CASQ2: variants seen among roughly 807,000 people sequenced by gnomAD.
CASQ2 encodes the protein calsequestrin-2.
CASQ2 carries 49 observed loss-of-function variants against 46.5 expected under a neutral mutation model. The ratio of observed to expected loss-of-function variants is 1.05; its 90% CI spans 0.84 to 1.34. The LOEUF is 1.34. Ranked by LOEUF, CASQ2 falls within the 40% of genes most tolerant of loss-of-function variation. The pLI, the probability that CASQ2 is intolerant of heterozygous loss-of-function variation, is 0.00. For synonymous variants in CASQ2, 174 were observed against 168.5 expected, an observed-to-expected ratio of 1.03 and a Z score of -0.25; for missense variants, 486 against 481.3, an observed-to-expected ratio of 1.01 and a Z score of -0.09.
At chr1:115,743,082 A>T (rs973872995) in intron 2 of CASQ2, among the ~76,000 whole-genome samples, 2 of 151,930 alleles carry the variant, frequency 1.3e-5, no homozygotes, top group Admixed American at 1.3e-4. Flanking sequence ...CAGCCATTAA[A>T]CTGTTTTTGA....
chr1:115,730,794 C>T (rs1162804394), intron 5 of CASQ2, among the ~76,000 whole-genome samples: 1 of 152,154 alleles, frequency 6.6e-6, no homozygotes, highest in Non-Finnish European at 1.5e-5. Flanking sequence ...CGCATTAGTG[C>T]TTTCTTGTCC....
At chr1:115,712,629 C>T (rs952698230) in intron 8 of CASQ2, among the ~76,000 whole-genome samples, 2 of 152,084 alleles carry the variant, frequency 1.3e-5, no homozygotes, top group African/African-American at 4.8e-5. Flanking sequence ...ACATTCAACA[C>T]ATAGTAAGAA....
At position 115,736,506 on chromosome 1, in the gene CASQ2, G is replaced by A. The variant is rs187854860; in HGVS notation, c.532+1718C>T. On this transcript the variant is annotated intron_variant, in intron 4 of 10. Coordinates refer to ENST00000261448, the MANE Select transcript of CASQ2 (RefSeq NM_001232.4). ...ACTAAAATTAGCCAGGCGTGGTGGC[G>A]GGCACCTGTAATCCCAGCTACTCAG... 6.2e-4 allele frequency among the ~76,000 whole-genome samples: 93 copies of A among 148,922 alleles called. No homozygotes were observed. In the East Asian group the frequency reaches 7.2e-3, roughly 11 times the overall value.
intron 2 of CASQ2, among the ~76,000 whole-genome samples, chr1:115,742,583 G>C (rs1032068525): frequency 6.6e-6 from 1 of 152,122 alleles, no homozygotes; most frequent in East Asian, 1.9e-4. Context: ...CATATTCTTT[G>C]CTAGTCTATT....
chr1:115,731,082 C>T (rs12092322), intron 5 of CASQ2, among the ~76,000 whole-genome samples: 2,987 of 152,296 alleles, frequency 0.02, 111 homozygotes, highest in African/African-American at 0.068. Context: ...GTGCTCTCCC[C>T]TCTGTGTACC....
At position 115,701,538 on chromosome 1, in the gene CASQ2, T is replaced by C. The variant is rs759529874; in HGVS notation, c.1015-112A>G. On this transcript the variant is annotated intron_variant, in intron 10 of 10. Transcript: ENST00000261448. ...GTGCCCCCCGACTCTCTTACACTTATTAGGAACGTGCACATTGTTAAATGG... is the reference window on the plus strand; with the variant it reads ...GTGCCCCCCGACTCTCTTACACTTACTAGGAACGTGCACATTGTTAAATGG... 3.1e-5 allele frequency: 23 copies of C among 746,896 alleles called. No individual in the cohort carries two copies. The East Asian group carries it at 5.8e-4, about 19-fold the overall frequency. The allele number at this position is 746,896 out of a possible 1,614,324, so 46.3% of individuals were successfully genotyped here.
intron 8 of CASQ2, among the ~76,000 whole-genome samples, chr1:115,716,648 T>C (rs1570806349): frequency 6.6e-6 from 1 of 152,286 alleles, no homozygotes; most frequent in African/African-American, 2.4e-5. Flanking sequence ...GCAGAATGTT[T>C]GAGGTTCTTG....
At position 115,725,568 on chromosome 1, in the gene CASQ2, A is replaced by AG. The variant is rs747358070; in HGVS notation, c.738-16_738-15insC. On this transcript the variant is annotated splice_polypyrimidine_tract_variant and intron_variant, in intron 6 of 10. Transcript: ENST00000261448. ...GTAGAGTGGGTCTGGAAAAAAAAAAAAAAAAAAAAAAAGAAAGAGCTTCCT... is the reference window on the plus strand; with the variant it reads ...GTAGAGTGGGTCTGGAAAAAAAAAAAGAAAAAAAAAAAAGAAAGAGCTTCCT... 9 of 1,602,544 alleles carry AG rather than the reference A, an allele frequency of 5.6e-6. No homozygotes were observed. In the African/African-American group the frequency reaches 1.1e-4, roughly 19 times the overall value.
chr1:115,739,124 C>CTTTTCTTTTTTTTTTTTTTT (rs1553195217), intron 3 of CASQ2, among the ~76,000 whole-genome samples: 1 of 99,522 alleles, frequency 1.0e-5, no homozygotes, highest in Non-Finnish European at 2.2e-5. Context: ...TCTTTTCTTT[C>CTTTTCTTTTTTTTTTTTTTT]TTTTTGAGAT....
chr1:115,756,027 G>A (rs1007369457), intron 1 of CASQ2, among the ~76,000 whole-genome samples: 4 of 152,346 alleles, frequency 2.6e-5, no homozygotes, highest in Non-Finnish European at 5.9e-5. Flanking sequence ...AATCAGAGGT[G>A]TGTGGTCGGG....
In CASQ2 at chr1:115,702,979, TC is replaced by T. The variant is rs1253067438; in HGVS notation, c.955del (p.Glu319ArgfsTer16). On this transcript the variant is annotated frameshift_variant, in exon 10 of 11. Transcript: ENST00000261448. LOFTEE classifies it high-confidence loss of function. ...DDFPLLVAYW[E>X]KTFKIDLFRP... is the part of the protein sequence containing the mutation. ...GAATAGGTCAATCTTGAAAGTCTTCTCCCAGTAGGCAACGAGCTGCAGCAAC... is the reference window on the plus strand; with the variant it reads ...GAATAGGTCAATCTTGAAAGTCTTCTCCAGTAGGCAACGAGCTGCAGCAAC... 6.2e-7 allele frequency: 1 copy of T among 1,613,102 alleles called. No homozygotes were observed. Among genetic ancestry groups the T allele is most frequent in the East Asian group, 2.2e-5 (1 of 44,882 alleles).
chr1:115,758,829 C>T (rs1178455321), intron 1 of CASQ2, among the ~76,000 whole-genome samples: 1 of 152,286 alleles, frequency 6.6e-6, no homozygotes, highest in East Asian at 1.9e-4. Context: ...ATACAGATAC[C>T]CAATCTTCAA....
Position 115,700,868 on chromosome 1 carries a change from G to A in CASQ2, c.*373C>T. The A allele has an allele frequency of 1.7e-6, 1 of 587,614 alleles. No individual in the cohort carries two copies. The highest frequency in any genetic ancestry group is 3.0e-6 in the Non-Finnish European group (1 of 332,374). 36.4% of individuals were successfully genotyped at this position (587,614 alleles called of 1,614,324 possible). A position where few individuals can be genotyped will look rare whatever the true frequency, so the allele number is the denominator to read the frequency against. ...TCACTCTATGCCTGTGAGTTAGAAAGCTGTCAATTTTGTTACTGTCATAAT... is the reference window on the plus strand; with the variant it reads ...TCACTCTATGCCTGTGAGTTAGAAAACTGTCAATTTTGTTACTGTCATAAT... On this transcript the variant is annotated 3_prime_UTR_variant, in exon 11 of 11. Transcript: ENST00000261448.
intron 2 of CASQ2, 87 bp from the exon 3 acceptor site, chr1:115,740,915 G>T: frequency 1.2e-6 from 1 of 859,942 alleles, no homozygotes; most frequent in Non-Finnish European, 2.0e-6. Context: ...GAGGGTTTCT[G>T]GGTGACAGTG....
At chr1:115,744,547 A>G (rs1430423719) in intron 2 of CASQ2, among the ~76,000 whole-genome samples, 1 of 152,228 alleles carries the variant, frequency 6.6e-6, no homozygotes, top group Admixed American at 6.5e-5. Context: ...TTAGAAGCTG[A>G]AAATAAAAGC....
chr1:115,708,603 G>A (rs916713122), intron 8 of CASQ2, among the ~76,000 whole-genome samples: 6 of 152,200 alleles, frequency 3.9e-5, no homozygotes, highest in Non-Finnish European at 7.3e-5. Context: ...ACTTCGTCGG[G>A]TAGTTGTGAG....
chr1:115,728,202 C>T (rs749280847), intron 5 of CASQ2, among the ~76,000 whole-genome samples: 1 of 152,146 alleles, frequency 6.6e-6, no homozygotes, highest in Non-Finnish European at 1.5e-5. Context: ...ATTGCATAAG[C>T]TCTTACACAA....
chr1:115,760,878 T>C (rs1192119918), intron 1 of CASQ2, among the ~76,000 whole-genome samples: 5 of 152,218 alleles, frequency 3.3e-5, no homozygotes, highest in African/African-American at 1.2e-4. Context: ...GTCATTCTAT[T>C]AATACATAGA....
chr1:115,727,576 C>T (rs565717266), intron 5 of CASQ2, among the ~76,000 whole-genome samples: 7 of 152,214 alleles, frequency 4.6e-5, no homozygotes, highest in Non-Finnish European at 1.0e-4. Flanking sequence ...CAGAACCCAA[C>T]CCATTAGCCT....
Sources: gnomAD v4.1 joint callset for allele counts (sites outside exome capture counted in the v4.1 genomes callset) on GRCh38, gnomAD v4.1.1 for gene constraint, MANE v1.5 for transcripts, NCBI Gene and HGNC (gene_info 2026-07-23, HGNC 2026-07-21) for gene names.